The following DPP10 variants were observed in gnomAD, a reference collection of about 807,000 sequenced individuals.
DPP10 encodes the protein dipeptidyl peptidase like 10, also known as inactive dipeptidyl peptidase 10.
Under a neutral mutation model 120.9 loss-of-function variants are expected in DPP10, and 33 were observed. The ratio of observed to expected loss-of-function variants is 0.27; its 90% CI spans 0.21 to 0.37. DPP10 has a LOEUF of 0.37. Ranked by LOEUF, DPP10 falls within the 10% of genes least tolerant of loss-of-function variation. DPP10 has a pLI of 1.00. For missense variants in DPP10, 816 were observed against 942.8 expected (o/e 0.87, Z 1.76); for synonymous variants, 337 against 326.1 (o/e 1.03, Z -0.36).
intron 1 of DPP10, among the ~76,000 whole-genome samples, chr2:114,585,520 G>T (rs1230399247): frequency 6.6e-6 from 1 of 152,062 alleles, no homozygotes; most frequent in Admixed American, 6.6e-5. Context: ...AAGTTTAATT[G>T]AATAGTTGGG....
chr2:115,155,191 A>C (rs1301842031), intron 1 of DPP10, among the ~76,000 whole-genome samples: 1 of 152,086 alleles, frequency 6.6e-6, no homozygotes, highest in Non-Finnish European at 1.5e-5. Context: ...TATTATATTT[A>C]ATTGCAAAAA....
At chr2:115,779,722 T>C (rs773224235) in intron 15 of DPP10, among the ~76,000 whole-genome samples, 4 of 152,036 alleles carry the variant, frequency 2.6e-5, no homozygotes, top group Non-Finnish European at 5.9e-5. Context: ...AACTGAATTG[T>C]ACACTTAGAA....
intron 1 of DPP10, among the ~76,000 whole-genome samples, chr2:115,136,377 C>A (rs1024575280): frequency 1.3e-5 from 2 of 152,136 alleles, no homozygotes; most frequent in African/African-American, 4.8e-5. Flanking sequence ...ATATTAGTAA[C>A]AGATGGCAAT....
intron 19 of DPP10, among the ~76,000 whole-genome samples, chr2:115,813,142 C>A (rs1399242318): frequency 6.8e-6 from 1 of 146,856 alleles, no homozygotes; most frequent in Non-Finnish European, 1.5e-5. Flanking sequence ...CCACCGCGCC[C>A]GGCTAATTTT....
At chr2:115,051,862 G>A (rs1434951286) in intron 1 of DPP10, among the ~76,000 whole-genome samples, 1 of 151,990 alleles carries the variant, frequency 6.6e-6, no homozygotes, top group Non-Finnish European at 1.5e-5. Flanking sequence ...AGCATGTGAG[G>A]TAATGAAGAT....
At chr2:115,789,627 G>T (rs1683723018) in intron 17 of DPP10, among the ~76,000 whole-genome samples, 1 of 151,962 alleles carries the variant, frequency 6.6e-6, no homozygotes, top group East Asian at 1.9e-4. Flanking sequence ...CAGTAAAGTG[G>T]GTAAGACAAA....
intron 1 of DPP10, among the ~76,000 whole-genome samples, chr2:115,130,354 C>A (rs2050278596): frequency 6.6e-6 from 1 of 152,168 alleles, no homozygotes; most frequent in African/African-American, 2.4e-5. Flanking sequence ...CCTTAAAACT[C>A]TCTTTTTCCT....
chr2:114,566,041 G>A (rs986766652), intron 1 of DPP10, among the ~76,000 whole-genome samples: 2 of 152,174 alleles, frequency 1.3e-5, no homozygotes, highest in African/African-American at 4.8e-5. Flanking sequence ...AGACATATGA[G>A]AAATGGACTC....
At chr2:115,803,670 T>C (rs1685548777) in intron 19 of DPP10, among the ~76,000 whole-genome samples, 1 of 152,160 alleles carries the variant, frequency 6.6e-6, no homozygotes. Flanking sequence ...GTAAAGTGTT[T>C]TTTTCTCCTT....
chr2:115,372,085 G>A (rs1308747104), intron 3 of DPP10, among the ~76,000 whole-genome samples: 1 of 152,036 alleles, frequency 6.6e-6, no homozygotes, highest in Non-Finnish European at 1.5e-5. Flanking sequence ...GTATTAAAGT[G>A]TATAAAATTC....
intron 1 of DPP10, among the ~76,000 whole-genome samples, chr2:114,763,986 T>TGA (rs1680498255): frequency 6.6e-6 from 1 of 152,214 alleles, no homozygotes. Context: ...GACCTGGCTC[T>TGA]TTTGCAGAAA....
At chr2:114,988,258 G>A (rs1222857027) in intron 1 of DPP10, among the ~76,000 whole-genome samples, 3 of 152,148 alleles carry the variant, frequency 2.0e-5, no homozygotes, top group African/African-American at 2.4e-5. Context: ...TGAAGCAATC[G>A]TTCCAAATGC....
At chr2:115,485,815 T>C (rs2075744707) in intron 3 of DPP10, among the ~76,000 whole-genome samples, 1 of 152,164 alleles carries the variant, frequency 6.6e-6, no homozygotes, top group African/African-American at 2.4e-5. Context: ...TATGTTCCTT[T>C]TGTCTACATT....
intron 3 of DPP10, among the ~76,000 whole-genome samples, chr2:115,450,312 T>G (rs2073003123): frequency 6.6e-6 from 1 of 151,918 alleles, no homozygotes; most frequent in South Asian, 2.1e-4. Context: ...AAATTCAAAA[T>G]TCACAGTACA....
intron 1 of DPP10, among the ~76,000 whole-genome samples, chr2:115,089,407 T>C (rs1048185492): frequency 6.6e-6 from 1 of 152,228 alleles, no homozygotes; most frequent in Non-Finnish European, 1.5e-5. Context: ...CAAGACTAGA[T>C]GAGCAGTAAT....
At chr2:114,492,540 CAAGGGA>C (rs1331741988) in intron 1 of DPP10, among the ~76,000 whole-genome samples, 3 of 152,154 alleles carry the variant, frequency 2.0e-5, no homozygotes, top group Non-Finnish European at 4.4e-5. Context: ...TATAAGATTT[CAAGGGA>C]AAAAGTAAAT....
Position 115,842,435 on chromosome 2 carries a change from C to T in DPP10, c.*90C>T. ...TAATATTGTAGTTGCTCCAGAATGT[C>T]AAGGGCAGCTTACGGAGATGTCACT... On this transcript the variant is annotated 3_prime_UTR_variant, in exon 26 of 26. Coordinates refer to ENST00000410059, the MANE Select transcript of DPP10 (RefSeq NM_020868.6). 1 of 1,466,346 alleles carries T rather than the reference C, an allele frequency of 6.8e-7. No individual in the cohort carries two copies. Among genetic ancestry groups the T allele is most frequent in the South Asian group, 1.4e-5 (1 of 72,160 alleles). 90.8% of individuals were successfully genotyped at this position (1,466,346 alleles called of 1,614,324 possible).
At chr2:115,490,003 T>C (rs1211367344) in intron 3 of DPP10, among the ~76,000 whole-genome samples, 1 of 152,168 alleles carries the variant, frequency 6.6e-6, no homozygotes, top group Non-Finnish European at 1.5e-5. Context: ...TAGACAAAGT[T>C]TAACTCTTGC....
intron 1 of DPP10, among the ~76,000 whole-genome samples, chr2:114,933,627 T>C (rs952851178): frequency 6.6e-6 from 1 of 152,050 alleles, no homozygotes; most frequent in African/African-American, 2.4e-5. Context: ...GAAAGAGAAA[T>C]GTGAAGGCAG....
Sources: allele counts gnomAD v4.1 joint callset (sites outside exome capture counted in the v4.1 genomes callset), GRCh38; gene constraint gnomAD v4.1.1; transcripts MANE v1.5; gene names NCBI Gene and HGNC (gene_info 2026-07-23, HGNC 2026-07-21).